The following SLC25A21 variants were observed in gnomAD, a reference collection of about 807,000 sequenced individuals.
The protein encoded by SLC25A21 is solute carrier family 25 member 21.
SLC25A21 carries 47 observed loss-of-function variants against 43.8 expected under a neutral mutation model. That is an observed-to-expected ratio of 1.07 (90% confidence interval 0.85 to 1.37). The LOEUF (loss-of-function observed/expected upper bound fraction) is 1.37, where lower values mean the gene tolerates loss of function less well. Ranked by LOEUF, SLC25A21 falls within the 40% of genes most tolerant of loss-of-function variation. The pLI is 0.00. For missense variants in SLC25A21, 352 were observed against 350.2 expected, an observed-to-expected ratio of 1.00 and a Z score of -0.04; for synonymous variants, 131 against 121.3, an observed-to-expected ratio of 1.08 and a Z score of -0.52.
At chr14:36,980,125 T>C (rs1959984931) in intron 1 of SLC25A21, among the ~76,000 whole-genome samples, 1 of 152,224 alleles carries the variant, frequency 6.6e-6, no homozygotes, top group African/African-American at 2.4e-5. Context: ...AAAAAACTGT[T>C]GATGGGTTTC....
intron 3 of SLC25A21, among the ~76,000 whole-genome samples, chr14:36,780,461 C>T (rs144637651): frequency 3.9e-5 from 6 of 152,116 alleles, no homozygotes; most frequent in African/African-American, 7.2e-5. Context: ...TTAATGTAGG[C>T]ATTTATTGCT....
chr14:37,009,927 A>G (rs1471480647), intron 1 of SLC25A21, among the ~76,000 whole-genome samples: 9 of 152,218 alleles, frequency 5.9e-5, no homozygotes. Context: ...GTAAGTGTGA[A>G]AAGTGCCTCT....
chr14:36,981,389 G>A (rs577900469), intron 1 of SLC25A21, among the ~76,000 whole-genome samples: 6 of 152,150 alleles, frequency 3.9e-5, no homozygotes, highest in African/African-American at 7.2e-5. Flanking sequence ...ACATGCACAC[G>A]TATGTTTATT....
At chr14:37,054,310 G>C (rs1961772981) in intron 1 of SLC25A21, among the ~76,000 whole-genome samples, 1 of 152,126 alleles carries the variant, frequency 6.6e-6, no homozygotes, top group Non-Finnish European at 1.5e-5. Flanking sequence ...ATATCACCAA[G>C]TGACCACAGT....
intron 1 of SLC25A21, among the ~76,000 whole-genome samples, chr14:37,083,671 G>A (rs1962429839): frequency 6.6e-6 from 1 of 152,188 alleles, no homozygotes; most frequent in Non-Finnish European, 1.5e-5. Context: ...CTCAAAGTCT[G>A]GTCTCCATAG....
intron 1 of SLC25A21, among the ~76,000 whole-genome samples, chr14:36,991,147 C>A (rs1052531751): frequency 6.6e-5 from 10 of 152,132 alleles, no homozygotes; most frequent in African/African-American, 2.4e-4. Flanking sequence ...AAAAGAACAT[C>A]ACACACCTGA....
At chr14:36,718,655 T>A (rs1034341378) in intron 6 of SLC25A21, among the ~76,000 whole-genome samples, 9 of 152,202 alleles carry the variant, frequency 5.9e-5, no homozygotes, top group African/African-American at 2.2e-4. Context: ...TCATACACGA[T>A]CTAATTGGTC....
intron 2 of SLC25A21, among the ~76,000 whole-genome samples, chr14:36,842,542 A>G (rs1889417026): frequency 6.6e-6 from 1 of 152,192 alleles, no homozygotes; most frequent in South Asian, 2.1e-4. Flanking sequence ...GTCTCAAATG[A>G]TACTACAGAA....
chr14:37,034,944 A>G (rs1352125281), intron 1 of SLC25A21, among the ~76,000 whole-genome samples: 1 of 152,254 alleles, frequency 6.6e-6, no homozygotes, highest in Non-Finnish European at 1.5e-5. Context: ...AGGCCCAATC[A>G]TAACTAGCTA....
intron 9 of SLC25A21, among the ~76,000 whole-genome samples, chr14:36,681,762 C>G (rs1882274830): frequency 6.6e-6 from 1 of 151,888 alleles, no homozygotes; most frequent in South Asian, 2.1e-4. Flanking sequence ...ATAGGCTGCA[C>G]ATGTTTGTGT....
chr14:36,853,005 C>T (rs1423212894), intron 2 of SLC25A21, among the ~76,000 whole-genome samples: 1 of 150,402 alleles, frequency 6.6e-6, no homozygotes, highest in Non-Finnish European at 1.5e-5. Flanking sequence ...TGTGACATTA[C>T]ATTCTTATTG....
At chr14:36,799,155 A>G (rs1355301460) in intron 3 of SLC25A21, among the ~76,000 whole-genome samples, 2 of 152,216 alleles carry the variant, frequency 1.3e-5, no homozygotes, top group African/African-American at 4.8e-5. Context: ...TCACTGGAGG[A>G]GAGATGGCCA....
At chr14:37,103,294 A>T (rs1195968542) in intron 1 of SLC25A21, among the ~76,000 whole-genome samples, 1 of 152,198 alleles carries the variant, frequency 6.6e-6, no homozygotes, top group South Asian at 2.1e-4. Flanking sequence ...AATTACACAC[A>T]GATGAGGTTT....
intron 3 of SLC25A21, among the ~76,000 whole-genome samples, chr14:36,790,568 C>G (rs1421915703): frequency 5.3e-5 from 8 of 152,072 alleles, no homozygotes. Flanking sequence ...GTTCTCTGTT[C>G]TACTCATACT....
chr14:36,887,334 G>A (rs1890946674), intron 1 of SLC25A21, among the ~76,000 whole-genome samples: 1 of 151,876 alleles, frequency 6.6e-6, no homozygotes, highest in African/African-American at 2.4e-5. Flanking sequence ...AGGCCGAGAT[G>A]GGCAGATCAT....
chr14:36,905,861 A>G (rs7145314), intron 1 of SLC25A21, among the ~76,000 whole-genome samples: 2,420 of 152,300 alleles, frequency 0.016, 61 homozygotes, highest in African/African-American at 0.054. Context: ...AACCTGAGAA[A>G]TGGATATGGC....
chr14:36,848,709 A>G (rs939335820), intron 2 of SLC25A21, among the ~76,000 whole-genome samples: 1 of 152,224 alleles, frequency 6.6e-6, no homozygotes, highest in Non-Finnish European at 1.5e-5. Context: ...AGGAAGATCC[A>G]TTACATATTT....
At chr14:37,069,680 TTAC>T (rs1486654283) in intron 1 of SLC25A21, among the ~76,000 whole-genome samples, 6 of 152,134 alleles carry the variant, frequency 3.9e-5, no homozygotes, top group Non-Finnish European at 8.8e-5. Flanking sequence ...GTAAAAAAAA[TTAC>T]TACAAAAATA....
chr14:36,794,066 A>G (rs1022079274), intron 3 of SLC25A21, among the ~76,000 whole-genome samples: 1 of 152,202 alleles, frequency 6.6e-6, no homozygotes, highest in Admixed American at 6.5e-5. Context: ...GAAAATACAT[A>G]GTTAACAGAG....
Sources: gnomAD v4.1 joint callset for allele counts (sites outside exome capture counted in the v4.1 genomes callset) on GRCh38, gnomAD v4.1.1 for gene constraint, MANE v1.5 for transcripts, NCBI Gene and HGNC (gene_info 2026-07-23, HGNC 2026-07-21) for gene names.